Variants in DYDC1 observed in about 807,000 individuals in gnomAD.
The protein encoded by DYDC1 is DPY30 domain-containing protein 1.
Under a neutral mutation model 27.9 loss-of-function variants are expected in DYDC1, and 21 were observed. That is an observed-to-expected ratio of 0.75 (90% confidence interval 0.53 to 1.08). DYDC1 has a LOEUF of 1.08. Ranked by LOEUF, DYDC1 falls within the 50% of genes least tolerant of loss-of-function variation. The pLI is 0.00. For missense variants in DYDC1, 202 were observed against 205.9 expected (o/e 0.98, Z 0.12); for synonymous variants, 67 against 65.8 (o/e 1.02, Z -0.09).
chr10:80,339,511 T>A (rs1842246767), intron 4 of DYDC1, among the ~76,000 whole-genome samples: 1 of 152,030 alleles, frequency 6.6e-6, no homozygotes, highest in Non-Finnish European at 1.5e-5. Context: ...AAACCACACT[T>A]AAGTAGAGTT....
At chr10:80,346,107 C>T (rs1054789204) in intron 3 of DYDC1, among the ~76,000 whole-genome samples, 1 of 152,212 alleles carries the variant, frequency 6.6e-6, no homozygotes, top group Admixed American at 6.5e-5. Context: ...CTCGGCCTCC[C>T]AAAGTACTGG....
intron 3 of DYDC1, among the ~76,000 whole-genome samples, chr10:80,350,177 C>T (rs537350615): frequency 2.6e-5 from 4 of 152,252 alleles, no homozygotes; most frequent in African/African-American, 9.6e-5. Flanking sequence ...TTTTCTCTTC[C>T]GCCCTACTAC....
intron 6 of DYDC1, among the ~76,000 whole-genome samples, chr10:80,336,581 C>T (rs767512315): frequency 1.5e-4 from 23 of 152,190 alleles, no homozygotes; most frequent in African/African-American, 5.6e-4. Context: ...TTTATATCTC[C>T]GGCCTGGGCC....
chr10:80,356,181 G>A (rs1277771015), intron 1 of DYDC1: 4 of 934,364 alleles, frequency 4.3e-6, no homozygotes, highest in Non-Finnish European at 5.1e-6. Context: ...AACTCCCTTA[G>A]CATGTTCCTG....
chr10:80,351,132 A>C (rs1842950728), intron 3 of DYDC1, among the ~76,000 whole-genome samples: 1 of 152,054 alleles, frequency 6.6e-6, no homozygotes, highest in Non-Finnish European at 1.5e-5. Context: ...CTCTGCCCAC[A>C]CCTCCTACCT....
chr10:80,349,016 T>A (rs527937094), intron 3 of DYDC1, among the ~76,000 whole-genome samples: 1 of 152,232 alleles, frequency 6.6e-6, no homozygotes, highest in East Asian at 1.9e-4. Flanking sequence ...CTCAGTCTCC[T>A]GAGTAGCTGG....
chr10:80,343,572 G>A (rs1021876646), intron 3 of DYDC1, among the ~76,000 whole-genome samples: 3 of 151,730 alleles, frequency 2.0e-5, no homozygotes, highest in Non-Finnish European at 2.9e-5. Flanking sequence ...AGGAGTTCAA[G>A]ACCAGCCTGG....
chr10:80,343,492 G>C (rs1842427033), intron 3 of DYDC1, among the ~76,000 whole-genome samples: 1 of 152,074 alleles, frequency 6.6e-6, no homozygotes, highest in Admixed American at 6.6e-5. Flanking sequence ...AAACAAGAAA[G>C]CCAGGGATGG....
At chr10:80,346,126 G>A (rs915794247) in intron 3 of DYDC1, among the ~76,000 whole-genome samples, 1 of 152,206 alleles carries the variant, frequency 6.6e-6, no homozygotes, top group Non-Finnish European at 1.5e-5. Flanking sequence ...GGGATTACAG[G>A]TGTGAGCCAC....
Position 80,351,993 on chromosome 10 carries a change from C to T in DYDC1, c.157G>A (p.Glu53Lys), listed in dbSNP as rs781349470. Residue 53 changes from glutamate to lysine, a missense_variant, in exon 3 of 7, where the codon GAA (glutamate) becomes AAA (lysine). Glu to Lys is a moderately conservative substitution (Grantham distance 56). Transcript: ENST00000372202. ...NVTMEQLRQKEMAKLEREREL... is the reference protein window; with the variant it reads ...NVTMEQLRQKKMAKLEREREL... ...CTTTCACGCTCCAGCTTGGCCATTT[C>T]CTTTTGTCTCTAGCATTGTTTAAAA... 3 of 1,614,048 alleles carry T rather than the reference C, an allele frequency of 1.9e-6. No individual in the cohort carries two copies. Among genetic ancestry groups the T allele is most frequent in the East Asian group, 2.2e-5 (1 of 44,878 alleles).
intron 4 of DYDC1, among the ~76,000 whole-genome samples, chr10:80,339,984 C>T (rs1033241382): frequency 2.0e-5 from 3 of 152,190 alleles, no homozygotes; most frequent in Non-Finnish European, 4.4e-5. Flanking sequence ...CAGTCAGAAT[C>T]CTTCTCCAAG....
At chr10:80,344,047 T>C (rs1013519239) in intron 3 of DYDC1, among the ~76,000 whole-genome samples, 3 of 151,806 alleles carry the variant, frequency 2.0e-5, no homozygotes, top group Non-Finnish European at 2.9e-5. Flanking sequence ...ATCTGGGAGG[T>C]AGAGGTTGCA....
intron 4 of DYDC1, among the ~76,000 whole-genome samples, chr10:80,341,208 T>C (rs1257272933): frequency 6.6e-6 from 1 of 151,884 alleles, no homozygotes; most frequent in Non-Finnish European, 1.5e-5. Flanking sequence ...GCAGGAAATA[T>C]GGGTCAAACT....
In DYDC1 at chr10:80,348,788, A is replaced by T. The variant is rs776231356; in HGVS notation, c.249+3113T>A. On this transcript the variant is annotated intron_variant, in intron 3 of 6. Transcript: ENST00000372202. ...TCTAAGGAATGAATATGCTTAATTT[A>T]AATTATACACACATAGACTGATAGC... is the stretch of plus-strand genomic sequence containing the variant. Among the ~76,000 whole-genome samples, 58 of 152,272 alleles carry T rather than the reference A, an allele frequency of 3.8e-4. 1 individual carries two copies. Among genetic ancestry groups the T allele is most frequent in the Non-Finnish European group, 7.6e-4 (52 of 68,040 alleles).
At chr10:80,354,713 G>A (rs963336737) in intron 1 of DYDC1, among the ~76,000 whole-genome samples, 7 of 152,102 alleles carry the variant, frequency 4.6e-5, no homozygotes, top group African/African-American at 1.7e-4. Flanking sequence ...ATGGGAGAGC[G>A]TGCTCTCACT....
At position 80,337,596 on chromosome 10, in the gene DYDC1, G is replaced by A. The variant is rs142678096; in HGVS notation, c.504+871C>T. Among the ~76,000 whole-genome samples, 236 of 152,252 alleles carry A rather than the reference G, an allele frequency of 1.6e-3. 2 individuals are homozygous for A. Among genetic ancestry groups the A allele is most frequent in the African/African-American group, 5.5e-3 (227 of 41,552 alleles). ...AAGCCTCTGAACAGAAATGACAAGT[G>A]CTTTCATGGTCTGGCCCCTGCTTTC... On this transcript the variant is annotated intron_variant, in intron 6 of 6. Transcript: ENST00000372202.
intron 1 of DYDC1, 29 bp from the exon 2 acceptor site, chr10:80,352,639 C>A (rs148403494): frequency 1.9e-6 from 3 of 1,585,782 alleles, no homozygotes; most frequent in Non-Finnish European, 2.6e-6. Flanking sequence ...TGCATTACTG[C>A]AGGATATTTT....
At chr10:80,348,604 G>A (rs1036097874) in intron 3 of DYDC1, among the ~76,000 whole-genome samples, 1 of 152,172 alleles carries the variant, frequency 6.6e-6, no homozygotes, top group Non-Finnish European at 1.5e-5. Context: ...TGTTTGTAAG[G>A]CCTCAACGTA....
intron 3 of DYDC1, among the ~76,000 whole-genome samples, chr10:80,342,921 C>G (rs1220150969): frequency 7.1e-6 from 1 of 140,900 alleles, no homozygotes; most frequent in Non-Finnish European, 1.5e-5. Flanking sequence ...GTGGAGGTTG[C>G]AGTGAGCCGA....
Sources: gnomAD v4.1 joint callset for allele counts (sites outside exome capture counted in the v4.1 genomes callset) on GRCh38, gnomAD v4.1.1 for gene constraint, MANE v1.5 for transcripts, NCBI Gene and HGNC (gene_info 2026-07-23, HGNC 2026-07-21) for gene names.